Variants in PARD3B observed in about 807,000 individuals in gnomAD.
PARD3B encodes par-3 family cell polarity regulator beta.
A neutral mutation model predicts 130.2 loss-of-function variants in PARD3B; 103 were observed. That is an observed-to-expected ratio of 0.79 (90% CI 0.67 to 0.93). The LOEUF is 0.93. PARD3B is among the 40% of genes least tolerant of loss of function. The probability of loss-of-function intolerance (pLI) is 0.00; values close to 1 mark genes in which losing one functional copy is unlikely to be tolerated. For synonymous variants in PARD3B, 583 were observed against 553.2 expected (o/e 1.05, Z -0.76); for missense variants, 1,609 against 1,499.2 (o/e 1.07, Z -1.21).
Position 205,585,589 on chromosome 2 carries a change from G to C in PARD3B, c.3261-29867G>C, listed in dbSNP as rs1416169359. Among the ~76,000 whole-genome samples, 1 of 152,170 alleles carries C rather than the reference G, an allele frequency of 6.6e-6. No homozygotes were observed. The highest frequency in any genetic ancestry group is 2.4e-5 in the African/African-American group (1 of 41,448). On this transcript the variant is annotated intron_variant, in intron 22 of 22. Transcript: ENST00000406610. The surrounding 1 kb of genome is among the most constrained non-coding windows in gnomAD (Gnocchi z 5.4). ...TGCAGGTCACTTCTCCAGGCAGGGA[G>C]TAATTGATATCCCCAGCTCTCCTAA...
chr2:204,744,579 A>G (rs2040139854), intron 2 of PARD3B, among the ~76,000 whole-genome samples: 1 of 152,140 alleles, frequency 6.6e-6, no homozygotes, highest in Non-Finnish European at 1.5e-5. Flanking sequence ...AACAAGATCT[A>G]AGAGGAGTCA....
intron 2 of PARD3B, among the ~76,000 whole-genome samples, chr2:204,940,492 T>C (rs1018203784): frequency 3.1e-4 from 46 of 149,734 alleles, no homozygotes; most frequent in African/African-American, 9.9e-4. Flanking sequence ...TTTTTTTTTC[T>C]CAGTTGTTTA....
intron 3 of PARD3B, among the ~76,000 whole-genome samples, chr2:205,005,977 A>C (rs1459186080): frequency 6.6e-6 from 1 of 152,104 alleles, no homozygotes; most frequent in Non-Finnish European, 1.5e-5. Context: ...ACTTCCCCGC[A>C]CTGAGTCCCC....
chr2:205,466,543 C>T (rs2048628439), intron 20 of PARD3B, among the ~76,000 whole-genome samples: 2 of 152,294 alleles, frequency 1.3e-5, no homozygotes, highest in African/African-American at 4.8e-5. Flanking sequence ...AGTGCTGCTA[C>T]GAACCTGCCA....
chr2:205,402,526 CAG>C (rs1306272296), intron 19 of PARD3B, among the ~76,000 whole-genome samples: 1 of 152,050 alleles, frequency 6.6e-6, no homozygotes, highest in African/African-American at 2.4e-5. Context: ...TTACTTGGGA[CAG>C]GGGAAAAAAA....
At chr2:205,594,890 G>A (rs2054514605) in intron 22 of PARD3B, among the ~76,000 whole-genome samples, 1 of 152,116 alleles carries the variant, frequency 6.6e-6, no homozygotes, top group African/African-American at 2.4e-5. Flanking sequence ...GTTCATTCAA[G>A]GTCTTTGGAC....
intron 2 of PARD3B, among the ~76,000 whole-genome samples, chr2:204,710,189 T>C (rs181843774): frequency 7.9e-5 from 12 of 152,302 alleles, no homozygotes; most frequent in Non-Finnish European, 1.3e-4. Flanking sequence ...GTAGCATATA[T>C]TTGGGAAGAC....
rs189955367 is a variant in PARD3B, at chr2:205,458,787, G to A, written c.3044+18115G>A. ...TATTTTTGATCAAATGCTAGACACA[G>A]TCCTTGAAAAGCTGTAGAAATCTCA... On this transcript the variant is annotated intron_variant, in intron 20 of 22. Transcript: ENST00000406610. The surrounding 1 kb of genome is among the most constrained non-coding windows in gnomAD (Gnocchi z 4.8). Among the ~76,000 whole-genome samples the A allele has an allele frequency of 2.0e-5, 3 of 152,216 alleles. No homozygotes were observed. The East Asian group carries it at 5.8e-4, about 29-fold the overall frequency.
At chr2:204,624,236 A>T (rs1295804669) in intron 1 of PARD3B, among the ~76,000 whole-genome samples, 1 of 152,216 alleles carries the variant, frequency 6.6e-6, no homozygotes, top group Non-Finnish European at 1.5e-5. Flanking sequence ...AGGACCTATG[A>T]ATATGGCCAA....
intron 20 of PARD3B, among the ~76,000 whole-genome samples, chr2:205,489,157 G>A (rs77572019): frequency 7.2e-5 from 11 of 152,052 alleles, no homozygotes; most frequent in Middle Eastern, 3.4e-3. Context: ...CAAAATTATC[G>A]TATTAAACAC....
chr2:205,180,732 A>C (rs1164991271), intron 13 of PARD3B, among the ~76,000 whole-genome samples: 1 of 152,084 alleles, frequency 6.6e-6, no homozygotes, highest in Non-Finnish European at 1.5e-5. Context: ...AAGCTGTTAC[A>C]CAGAAAAAAG....
chr2:205,488,353 A>G (rs1260340942), intron 20 of PARD3B, among the ~76,000 whole-genome samples: 2 of 152,220 alleles, frequency 1.3e-5, no homozygotes, highest in African/African-American at 2.4e-5. Flanking sequence ...GTGGTTCACC[A>G]TAGGGTTCGT....
At chr2:205,416,200 T>G (rs990752213) in intron 19 of PARD3B, among the ~76,000 whole-genome samples, 6 of 152,094 alleles carry the variant, frequency 3.9e-5, no homozygotes, top group Admixed American at 1.3e-4. Context: ...ATACCTTTAA[T>G]GCTGTGACCC....
chr2:204,732,807 G>A (rs1378250572), intron 2 of PARD3B, among the ~76,000 whole-genome samples: 1 of 152,172 alleles, frequency 6.6e-6, no homozygotes, highest in Non-Finnish European at 1.5e-5. Flanking sequence ...CCTGAGTGAG[G>A]TTCATTGTGA....
At chr2:204,568,148 A>G (rs886998081) in intron 1 of PARD3B, among the ~76,000 whole-genome samples, 2 of 152,344 alleles carry the variant, frequency 1.3e-5, no homozygotes, top group East Asian at 3.9e-4. Flanking sequence ...AGGTATTGGG[A>G]TACCTAGGGG....
intron 1 of PARD3B, among the ~76,000 whole-genome samples, chr2:204,554,365 A>G (rs557120287): frequency 1.3e-5 from 2 of 152,182 alleles, no homozygotes; most frequent in African/African-American, 4.8e-5. Context: ...ATGCCCCCAA[A>G]TGAATTCCTA....
chr2:204,749,452 A>G (rs535450961), intron 2 of PARD3B, among the ~76,000 whole-genome samples: 6 of 152,332 alleles, frequency 3.9e-5, no homozygotes, highest in Non-Finnish European at 8.8e-5. Flanking sequence ...TTTCAAGTTC[A>G]TAGAGAATAT....
At position 205,461,239 on chromosome 2, in the gene PARD3B, T is replaced by C. The variant is rs919605084; in HGVS notation, c.3044+20567T>C. On this transcript the variant is annotated intron_variant, in intron 20 of 22. Transcript: ENST00000406610. The surrounding 1 kb of genome is among the most constrained non-coding windows in gnomAD (Gnocchi z 4.3). ...TGAGTAGCCATGAGAATTTGGGTGC[T>C]GAAAGAGGCATGAAAGGCACTCTGG... Among the ~76,000 whole-genome samples the C allele has an allele frequency of 2.6e-4, 39 of 152,076 alleles. No homozygotes were observed. The highest frequency in any genetic ancestry group is 2.6e-3 in the Admixed American group (39 of 15,274).
At chr2:205,087,958 A>T (rs1328913633) in intron 4 of PARD3B, among the ~76,000 whole-genome samples, 1 of 152,230 alleles carries the variant, frequency 6.6e-6, no homozygotes, top group Non-Finnish European at 1.5e-5. Flanking sequence ...TGACAGTGTA[A>T]TCATAAGGAC....
Sources: gnomAD v4.1 joint callset for allele counts (sites outside exome capture counted in the v4.1 genomes callset) on GRCh38, gnomAD v4.1.1 for gene constraint, Gnocchi (gnomAD v3.1) non-coding constraint, MANE v1.5 for transcripts, NCBI Gene and HGNC (gene_info 2026-07-23, HGNC 2026-07-21) for gene names.